DUSP16: variants seen among roughly 807,000 people sequenced by gnomAD.
DUSP16 encodes the protein dual specificity phosphatase 16.
A neutral mutation model predicts 58.3 loss-of-function variants in DUSP16; 21 were observed. The observed-to-expected ratio is 0.36, with a 90% CI of 0.26 to 0.52. The LOEUF (loss-of-function observed/expected upper bound fraction) is 0.52. Among genes scored for constraint, DUSP16 ranks in the 20% least tolerant of loss-of-function variants. The probability of loss-of-function intolerance (pLI) is 0.94; values close to 1 mark genes in which losing one functional copy is unlikely to be tolerated. For missense variants in DUSP16, 726 were observed against 819.0 expected, an observed-to-expected ratio of 0.89 and a Z score of 1.39; for synonymous variants, 320 against 323.8, an observed-to-expected ratio of 0.99 and a Z score of 0.12.
intron 1 of DUSP16, among the ~76,000 whole-genome samples, chr12:12,531,888 GT>G (rs1434886532): frequency 6.6e-6 from 1 of 151,966 alleles, no homozygotes; most frequent in Non-Finnish European, 1.5e-5. Flanking sequence ...GCCGGGCGCG[GT>G]GGCTCACGCC....
intron 1 of DUSP16, among the ~76,000 whole-genome samples, chr12:12,557,334 G>A (rs1329742880): frequency 6.6e-6 from 1 of 151,912 alleles, no homozygotes; most frequent in African/African-American, 2.4e-5. Context: ...GCACACGCCT[G>A]TAGTCCCAGC....
chr12:12,487,056 C>A lies in DUSP16; in HGVS notation c.663G>T (p.Pro221=), dbSNP rs372821072. The change falls in exon 5 of 7, where the codon CCG becomes CCT. Residue 221 remains proline (P), a synonymous_variant. Transcript: ENST00000298573. The part of the protein sequence containing the change: ...VNDSFCEKIL[P]WLDKSVDFIE... ...TGAAATCTACTGATTTGTCCAACCACGGCAAAATTTTCTCACAAAAGCTGT... is the reference window on the plus strand; with the variant it reads ...TGAAATCTACTGATTTGTCCAACCAAGGCAAAATTTTCTCACAAAAGCTGT... 93 of 1,614,072 alleles carry A rather than the reference C, an allele frequency of 5.8e-5. 1 individual carries two copies. The East Asian group carries it at 9.1e-4, about 16-fold the overall frequency.
intron 1 of DUSP16, among the ~76,000 whole-genome samples, chr12:12,546,155 T>C (rs1410341273): frequency 6.6e-6 from 1 of 152,222 alleles, no homozygotes; most frequent in Non-Finnish European, 1.5e-5. Context: ...TATGAAATGC[T>C]ATCATTTGGG....
chr12:12,558,671 C>G (rs73063463), intron 1 of DUSP16, among the ~76,000 whole-genome samples: 271 of 152,312 alleles, frequency 1.8e-3, no homozygotes, highest in Non-Finnish European at 3.1e-3. Flanking sequence ...TGAGCCACCA[C>G]GCCTGGCCTA....
rs751940406 is a variant in DUSP16 at position 12,477,524 on chromosome 12, A to G, written c.1307T>C (p.Leu436Pro). The G allele has an allele frequency of 3.7e-6, 6 of 1,604,832 alleles. No individual in the cohort carries two copies. The highest frequency in any genetic ancestry group is 4.3e-6 in the Non-Finnish European group (5 of 1,174,432). ...ALEYYKPSTT[L>P]DGTNKLCQFS... is the part of the protein sequence containing the mutation. ...CTGGCATAGCTTGTTGGTCCCATCC[A>G]GAGTAGTGGAAGGTTTGTAGTATTC... is the stretch of plus-strand genomic sequence containing the variant. The change falls in exon 7 of 7, where the codon CTG becomes CCG. Residue 436 changes from leucine to proline, a missense_variant. Leu to Pro is a moderately conservative substitution (Grantham distance 98, BLOSUM62 -3). Transcript: ENST00000298573. The surrounding 1 kb of genome is among the most constrained non-coding windows in gnomAD (Gnocchi z 4.1).
At chr12:12,560,331 A>G (rs1944879064) in intron 1 of DUSP16, among the ~76,000 whole-genome samples, 1 of 152,206 alleles carries the variant, frequency 6.6e-6, no homozygotes, top group Non-Finnish European at 1.5e-5. Flanking sequence ...CACTATTCAC[A>G]CTAACAAAAT....
intron 3 of DUSP16, among the ~76,000 whole-genome samples, chr12:12,508,279 G>T (rs865924951): frequency 1.3e-4 from 19 of 151,896 alleles, no homozygotes; most frequent in African/African-American, 4.4e-4. Flanking sequence ...CAATTCTTTC[G>T]GGATCAGCAG....
intron 1 of DUSP16, among the ~76,000 whole-genome samples, chr12:12,522,621 T>C (rs933561533): frequency 1.3e-5 from 2 of 151,994 alleles, no homozygotes; most frequent in East Asian, 3.9e-4. Flanking sequence ...TGCAGTGCAG[T>C]AGCACAATCT....
At chr12:12,561,378 G>A (rs1007231954) in intron 1 of DUSP16, among the ~76,000 whole-genome samples, 4 of 152,080 alleles carry the variant, frequency 2.6e-5, no homozygotes, top group Non-Finnish European at 5.9e-5. Context: ...CTTTTCTCTG[G>A]TTCATTATTG....
At chr12:12,485,210 A>G (rs1305622459) in intron 5 of DUSP16, 1 of 150,054 alleles carries the variant, frequency 6.7e-6, no homozygotes, top group Non-Finnish European at 1.5e-5. Context: ...GGGTTTCACT[A>G]TATGTTGGCC....
chr12:12,547,098 C>T (rs1944650857), intron 1 of DUSP16, among the ~76,000 whole-genome samples: 1 of 152,126 alleles, frequency 6.6e-6, no homozygotes, highest in Admixed American at 6.5e-5. Flanking sequence ...TAAAAATTCA[C>T]TGAATTTGGA....
chr12:12,550,217 G>A (rs1944705233), intron 1 of DUSP16, among the ~76,000 whole-genome samples: 1 of 151,132 alleles, frequency 6.6e-6, no homozygotes, highest in African/African-American at 2.4e-5. Context: ...AGGCTGCAGT[G>A]AGCCAAGACG....
At chr12:12,481,454 C>T (rs1943563058) in intron 5 of DUSP16, among the ~76,000 whole-genome samples, 1 of 152,072 alleles carries the variant, frequency 6.6e-6, no homozygotes, top group Non-Finnish European at 1.5e-5. Context: ...TAGATACTAC[C>T]AAAAGTCTAC....
At position 12,524,774 on chromosome 12, in the gene DUSP16, T is replaced by C. The variant is rs534751697; in HGVS notation, c.-365-3311A>G. On this transcript the variant is annotated intron_variant, in intron 1 of 6. Coordinates refer to ENST00000298573, the MANE Select transcript of DUSP16 (RefSeq NM_030640.3). ...GCTGCTAAAGTTGAAATACTTTCTTTAGATTTTTAAATAGGTAATATATTC... is the reference window on the plus strand; with the variant it reads ...GCTGCTAAAGTTGAAATACTTTCTTCAGATTTTTAAATAGGTAATATATTC... Among the ~76,000 whole-genome samples, 14 of 152,204 alleles carry C rather than the reference T, an allele frequency of 9.2e-5. No individual in the cohort carries two copies. In the East Asian group the frequency reaches 2.7e-3, roughly 29 times the overall value.
intron 1 of DUSP16, chr12:12,561,059 A>T (rs975146549): frequency 2.6e-5 from 4 of 151,468 alleles, no homozygotes; most frequent in Non-Finnish European, 4.4e-5. Flanking sequence ...CAGAGTATTT[A>T]CTTATAATCT....
intron 3 of DUSP16, 39 bp downstream of exon 3, chr12:12,519,823 C>A: frequency 1.2e-6 from 2 of 1,610,670 alleles, no homozygotes; most frequent in African/African-American, 1.3e-5. Context: ...TACAGCTCAG[C>A]AAGATTCTGA....
chr12:12,500,617 T>A lies in DUSP16; in HGVS notation c.433A>T (p.Thr145Ser), dbSNP rs768035604. 1 of 1,611,988 alleles carries A rather than the reference T, an allele frequency of 6.2e-7. No homozygotes were observed. Among genetic ancestry groups the A allele is most frequent in the Admixed American group, 1.7e-5 (1 of 59,674 alleles). The change falls in exon 4 of 7, where the codon ACC becomes TCC. Residue 145 changes from threonine to serine, a missense_variant. Physicochemically the swap from Thr to Ser is moderately conservative, Grantham distance 58. Coordinates refer to ENST00000298573, the MANE Select transcript of DUSP16 (RefSeq NM_030640.3). ...GGTAAGCAAGGCTGAGAAATGCAGG[T>A]AGGGACTAGAGTGGATTTTCCTTCA... ...LCEGKSTLVP[T>S]CISQPCLPVA... is the part of the protein sequence containing the mutation.
Position 12,521,423 on chromosome 12 carries a change from T to G in DUSP16, c.-325A>C. The G allele has an allele frequency of 8.5e-7, 1 of 1,180,410 alleles. No individual in the cohort carries two copies. The highest frequency in any genetic ancestry group is 5.0e-5 in the East Asian group (1 of 20,018). 73.1% of individuals were successfully genotyped at this position (1,180,410 alleles called of 1,614,324 possible). A position where few individuals can be genotyped will look rare whatever the true frequency, so the allele number is the denominator to read the frequency against. On this transcript the variant is annotated 5_prime_UTR_variant, in exon 2 of 7. Transcript: ENST00000298573. ...CCAGCGCATTACATCATTCTTTACC[T>G]TTGCTCCCGCGCTCCAACAGCTTTA...
At chr12:12,544,262 G>A (rs1047575055) in intron 1 of DUSP16, among the ~76,000 whole-genome samples, 8 of 152,054 alleles carry the variant, frequency 5.3e-5, no homozygotes, top group South Asian at 2.1e-4. Flanking sequence ...ACAAAATTAT[G>A]TTCATATCTA....
Sources: gnomAD v4.1 joint callset for allele counts (sites outside exome capture counted in the v4.1 genomes callset) on GRCh38, gnomAD v4.1.1 for gene constraint, Gnocchi (gnomAD v3.1) non-coding constraint, MANE v1.5 for transcripts, NCBI Gene and HGNC (gene_info 2026-07-23, HGNC 2026-07-21) for gene names.